LRMDA: variants seen among roughly 807,000 people sequenced by gnomAD.
LRMDA encodes the protein leucine rich melanocyte differentiation associated.
Under a neutral mutation model 29.8 loss-of-function variants are expected in LRMDA, and 18 were observed. The ratio of observed to expected loss-of-function variants is 0.60; its 90% CI spans 0.42 to 0.90. The LOEUF is 0.90. Among genes scored for constraint, LRMDA ranks in the 40% least tolerant of loss-of-function variants. The pLI, the probability that LRMDA is intolerant of heterozygous loss-of-function variation, is 0.00. For missense variants in LRMDA, 273 were observed against 273.9 expected, an observed-to-expected ratio of 1.00 and a Z score of 0.02; for synonymous variants, 125 against 109.4, an observed-to-expected ratio of 1.14 and a Z score of -0.89.
chr10:76,257,751 G>A (rs1469754387), intron 5 of LRMDA, among the ~76,000 whole-genome samples: 6 of 152,134 alleles, frequency 3.9e-5, no homozygotes, highest in Admixed American at 1.3e-4. Flanking sequence ...AAACCACCTC[G>A]AAATTTAATG....
At chr10:75,448,455 C>T (rs1031704534) in intron 2 of LRMDA, among the ~76,000 whole-genome samples, 2 of 152,114 alleles carry the variant, frequency 1.3e-5, no homozygotes, top group African/African-American at 2.4e-5. Flanking sequence ...CTGTTAGGAG[C>T]AGTGGTGATT....
At chr10:75,865,933 A>T (rs902462140) in intron 2 of LRMDA, among the ~76,000 whole-genome samples, 2 of 152,342 alleles carry the variant, frequency 1.3e-5, no homozygotes, top group Non-Finnish European at 2.9e-5. Context: ...AGCAATAATT[A>T]TAGTTATGCC....
At chr10:75,605,004 A>G (rs1440263662) in intron 2 of LRMDA, among the ~76,000 whole-genome samples, 1 of 152,124 alleles carries the variant, frequency 6.6e-6, no homozygotes, top group African/African-American at 2.4e-5. Context: ...TTGTTTAGAG[A>G]TTTGTCTCTA....
chr10:75,876,941 G>C (rs193087491), intron 2 of LRMDA, among the ~76,000 whole-genome samples: 285 of 152,258 alleles, frequency 1.9e-3, no homozygotes, highest in African/African-American at 6.6e-3. Flanking sequence ...GGCGGAGTGT[G>C]AAAATTTGCT....
intron 5 of LRMDA, among the ~76,000 whole-genome samples, chr10:76,261,311 A>C (rs1839940377): frequency 1.3e-5 from 2 of 151,606 alleles, no homozygotes; most frequent in Non-Finnish European, 2.9e-5. Context: ...TGACCTCGTG[A>C]TCTGCCTGCC....
chr10:76,269,972 ATTTCTCATTCACTCAAGCCACTCACCT>A (rs1309622928), intron 5 of LRMDA, among the ~76,000 whole-genome samples: 9 of 152,142 alleles, frequency 5.9e-5, no homozygotes, highest in African/African-American at 1.7e-4. Flanking sequence ...ATGTTAGTAC[ATTTCTCATTCACTCAAGCCACTCACCT>A]TTTCTCATTC....
intron 6 of LRMDA, among the ~76,000 whole-genome samples, chr10:76,340,526 A>AAG (rs1841027486): frequency 1.3e-5 from 2 of 150,626 alleles, no homozygotes; most frequent in Admixed American, 1.3e-4. Context: ...AAAAAAAAAA[A>AAG]AAAAAAAAAA....
intron 5 of LRMDA, among the ~76,000 whole-genome samples, chr10:76,132,966 CTTTTTTTTTTTT>C (rs35997711): frequency 1.4e-4 from 8 of 57,372 alleles, no homozygotes; most frequent in African/African-American, 3.5e-4. Context: ...CCACGCCCGG[CTTTTTTTTTTTT>C]TTTTTTTTTT....
In LRMDA at chr10:75,812,108, ATTTTTTTTTTT is replaced by A. The variant is rs67846089; in HGVS notation, c.132-223880_132-223870del. Among the ~76,000 whole-genome samples the A allele has an allele frequency of 1.3e-4, 6 of 46,260 alleles. No homozygotes were observed. In the East Asian group the frequency reaches 3.1e-3, roughly 24 times the overall value. 30.3% of individuals were successfully genotyped at this position (46,260 alleles called of 152,430 possible). On this transcript the variant is annotated intron_variant, in intron 2 of 6. Transcript: ENST00000611255. ...TAGTTTCTAAGGGGCTTTAATTGTG[ATTTTTTTTTTT>A]TTTTTTTTTTTTTTTTTTTAGCAGA... is the stretch of plus-strand genomic sequence containing the variant.
At chr10:75,963,060 T>C (rs2093278246) in intron 2 of LRMDA, among the ~76,000 whole-genome samples, 1 of 152,220 alleles carries the variant, frequency 6.6e-6, no homozygotes, top group Non-Finnish European at 1.5e-5. Flanking sequence ...CTTATTTAGG[T>C]TAATGTCTTT....
intron 2 of LRMDA, among the ~76,000 whole-genome samples, chr10:75,835,342 T>A (rs898757756): frequency 6.6e-6 from 1 of 152,208 alleles, no homozygotes; most frequent in East Asian, 1.9e-4. Flanking sequence ...ATATCACTGT[T>A]TTCTCCGACT....
At chr10:75,998,458 TC>T (rs1000025308) in intron 2 of LRMDA, among the ~76,000 whole-genome samples, 2 of 152,188 alleles carry the variant, frequency 1.3e-5, no homozygotes, top group African/African-American at 4.8e-5. Flanking sequence ...TGTCCCTGAG[TC>T]TCATTTTCCT....
intron 2 of LRMDA, among the ~76,000 whole-genome samples, chr10:75,887,581 C>T (rs1845412180): frequency 6.6e-6 from 1 of 152,072 alleles, no homozygotes; most frequent in Non-Finnish European, 1.5e-5. Flanking sequence ...TGGAACACAG[C>T]TGCACCCATT....
chr10:76,266,587 A>G (rs1192550860), intron 5 of LRMDA, among the ~76,000 whole-genome samples: 1 of 152,184 alleles, frequency 6.6e-6, no homozygotes, highest in Non-Finnish European at 1.5e-5. Context: ...AACTAAGTAC[A>G]GAGAAGTAAG....
intron 2 of LRMDA, among the ~76,000 whole-genome samples, chr10:75,927,140 C>T (rs1846132774): frequency 6.6e-6 from 1 of 152,166 alleles, no homozygotes; most frequent in South Asian, 2.1e-4. Context: ...GCTCAGGGGT[C>T]TCCAGCGATA....
intron 6 of LRMDA, among the ~76,000 whole-genome samples, chr10:76,415,731 C>T (rs1425942542): frequency 6.6e-6 from 1 of 152,200 alleles, no homozygotes; most frequent in African/African-American, 2.4e-5. Flanking sequence ...GGGCCCCACC[C>T]ATGCCATATG....
At chr10:76,552,790 C>T (rs1843511127) in intron 6 of LRMDA, among the ~76,000 whole-genome samples, 1 of 152,138 alleles carries the variant, frequency 6.6e-6, no homozygotes, top group Admixed American at 6.5e-5. Context: ...ATCCAGGAAT[C>T]AGGGAGTCCA....
intron 5 of LRMDA, among the ~76,000 whole-genome samples, chr10:76,078,046 T>C (rs921779446): frequency 5.7e-5 from 7 of 123,034 alleles, no homozygotes; most frequent in Non-Finnish European, 1.1e-4. Context: ...AGTCTCGCTC[T>C]GTCGCCCAGG....
intron 5 of LRMDA, among the ~76,000 whole-genome samples, chr10:76,211,765 T>G (rs1021889455): frequency 3.3e-5 from 5 of 152,218 alleles, no homozygotes; most frequent in Admixed American, 6.5e-5. Flanking sequence ...CAAAGAGCAA[T>G]TCCTTAGTTT....
Sources: gnomAD v4.1 joint callset for allele counts (sites outside exome capture counted in the v4.1 genomes callset) on GRCh38, gnomAD v4.1.1 for gene constraint, MANE v1.5 for transcripts, NCBI Gene and HGNC (gene_info 2026-07-23, HGNC 2026-07-21) for gene names.